The following ABCB10 variants were observed in gnomAD, a reference collection of about 807,000 sequenced individuals.
ABCB10 encodes ATP-binding cassette sub-family B member 10, mitochondrial.
In ABCB10, 54 loss-of-function variants were observed where a neutral mutation model predicts 65.4. The observed-to-expected ratio is 0.83, with a 90% CI of 0.66 to 1.04. The LOEUF is 1.04. Ranked by LOEUF, ABCB10 falls within the 50% of genes least tolerant of loss-of-function variation. The pLI, the probability that ABCB10 is intolerant of heterozygous loss-of-function variation, is 0.00. For synonymous variants in ABCB10, 418 were observed against 406.5 expected (o/e 1.03, Z -0.34); for missense variants, 846 against 976.6 (o/e 0.87, Z 1.78).
chr1:229,521,121 G>C (rs759539201), intron 11 of ABCB10, among the ~76,000 whole-genome samples: 10 of 151,920 alleles, frequency 6.6e-5, no homozygotes, highest in Admixed American at 2.6e-4. Context: ...ATAACAAAGG[G>C]AAGGCTATTG....
intron 1 of ABCB10, among the ~76,000 whole-genome samples, chr1:229,550,446 G>C (rs1271916705): frequency 6.9e-6 from 1 of 145,552 alleles, no homozygotes; most frequent in Non-Finnish European, 1.5e-5. Flanking sequence ...GATTACTTGA[G>C]CCCAGGAGGT....
Position 229,518,853 on chromosome 1 carries a change from T to A in ABCB10, c.1973A>T (p.Asp658Val). 6.3e-7 allele frequency: 1 copy of A among 1,599,020 alleles called. No individual in the cohort carries two copies. The highest frequency in any genetic ancestry group is 8.5e-7 in the Non-Finnish European group (1 of 1,174,080). Residue 658 changes from aspartate to valine, a missense_variant, in exon 12 of 13, where the codon GAT (aspartate) becomes GTT (valine). Asp to Val is a radical substitution (Grantham distance 152). This residue lies in a region of ABCB10 where 632 missense variants were observed against 803.2 expected (regional missense o/e 0.79). Coordinates refer to ENST00000344517, the MANE Select transcript of ABCB10 (RefSeq NM_012089.3). ...AAGATATCCTCACCTGGTTGCTTCATCTAGGAGAAGAATTTTGGGATTCTG... is the reference window on the plus strand; with the variant it reads ...AAGATATCCTCACCTGGTTGCTTCAACTAGGAGAAGAATTTTGGGATTCTG... ...LLKNPKILLL[D>V]EATSALDAEN...
rs370441280 is a variant in ABCB10, at chr1:229,525,344, TTTGTTGTTG to T, written c.1906+583_1906+591del. Among the ~76,000 whole-genome samples, 14 of 151,872 alleles carry T rather than the reference TTTGTTGTTG, an allele frequency of 9.2e-5. 1 individual carries two copies. The highest frequency in any genetic ancestry group is 4.2e-4 in the South Asian group (2 of 4,814). ...TGAGGGTCTCAGGTTGCAAAGCACA[TTTGTTGTTG>T]TTGTTGTTGTTGTTGTTTTTCAGAT... On this transcript the variant is annotated intron_variant, in intron 10 of 12. Coordinates refer to ENST00000344517, the MANE Select transcript of ABCB10 (RefSeq NM_012089.3).
chr1:229,517,209 T>C lies in ABCB10; in HGVS notation c.*970A>G, dbSNP rs1399352897. On this transcript the variant is annotated 3_prime_UTR_variant, in exon 13 of 13. Transcript: ENST00000344517. ...GATACATTCTGAAGTTTTCTTGTTA[T>C]TCTGTTGAATAGCAAGGACTTCCAA... 1 of 152,242 alleles carries C rather than the reference T, an allele frequency of 6.6e-6. No homozygotes were observed. The highest frequency in any genetic ancestry group is 1.5e-5 in the Non-Finnish European group (1 of 68,026). 9.4% of individuals were successfully genotyped at this position (152,242 alleles called of 1,614,324 possible).
intron 5 of ABCB10, 62 bp from the exon 6 acceptor site, chr1:229,539,653 T>C: frequency 1.3e-6 from 2 of 1,577,216 alleles, no homozygotes; most frequent in South Asian, 1.2e-5. Flanking sequence ...GTGAAAAGCA[T>C]GAACACGGCC....
At position 229,518,429 on chromosome 1, in the gene ABCB10, CA is replaced by C; in HGVS notation, c.1986-20del. 6.2e-7 allele frequency: 1 copy of C among 1,605,650 alleles called. No homozygotes were observed. The highest frequency in any genetic ancestry group is 2.2e-5 in the East Asian group (1 of 44,788). On this transcript the variant is annotated intron_variant, in intron 12 of 12. Coordinates refer to ENST00000344517, the MANE Select transcript of ABCB10 (RefSeq NM_012089.3). Reference sequence around the variant, plus strand: ...CAGCGCACTGACACAGGAGCACACACACAAGAAAGCAAAGACGTCAGTGACA... The same window carrying C: ...CAGCGCACTGACACAGGAGCACACACCAAGAAAGCAAAGACGTCAGTGACA...
intron 6 of ABCB10, among the ~76,000 whole-genome samples, chr1:229,536,498 C>A (rs1438859661): frequency 1.3e-5 from 2 of 151,764 alleles, no homozygotes; most frequent in African/African-American, 4.8e-5. Flanking sequence ...AGAGTAAGAC[C>A]CTGTCTCTAA....
At chr1:229,528,578 T>C (rs1480339493) in intron 8 of ABCB10, among the ~76,000 whole-genome samples, 1 of 152,210 alleles carries the variant, frequency 6.6e-6, no homozygotes, top group Admixed American at 6.5e-5. Context: ...GGTGATTCCA[T>C]GGGTCAGGAT....
At chr1:229,522,155 G>A (rs12138176) in intron 10 of ABCB10, among the ~76,000 whole-genome samples, 23,975 of 152,000 alleles carry the variant, frequency 0.16, 2,408 homozygotes, top group Middle Eastern at 0.26. Context: ...CACAGTGCCC[G>A]GCCAATACCA....
At chr1:229,518,463 G>A in intron 12 of ABCB10, 53 bp from the exon 13 acceptor site, 2 of 1,448,260 alleles carry the variant, frequency 1.4e-6, no homozygotes, top group South Asian at 2.3e-5. Context: ...ACACCCATGT[G>A]CTTCCTGATA....
At chr1:229,536,818 T>G (rs1662730829) in intron 6 of ABCB10, among the ~76,000 whole-genome samples, 1 of 150,902 alleles carries the variant, frequency 6.6e-6, no homozygotes, top group Non-Finnish European at 1.5e-5. Context: ...TAGCCAGGCA[T>G]GGTGGCGCAT....
chr1:229,525,626 G>T (rs1662421895), intron 10 of ABCB10, among the ~76,000 whole-genome samples: 1 of 152,170 alleles, frequency 6.6e-6, no homozygotes, highest in Non-Finnish European at 1.5e-5. Context: ...GGATCACGAG[G>T]TCAGGAGATC....
intron 8 of ABCB10, among the ~76,000 whole-genome samples, chr1:229,527,587 G>T (rs941040870): frequency 1.3e-5 from 2 of 152,184 alleles, no homozygotes; most frequent in Admixed American, 6.5e-5. Flanking sequence ...AGGTTGTAGG[G>T]AGTTTTCCCA....
At chr1:229,547,989 TTTTTTA>T (rs1663010986) in intron 2 of ABCB10, among the ~76,000 whole-genome samples, 1 of 151,800 alleles carries the variant, frequency 6.6e-6, no homozygotes, top group African/African-American at 2.4e-5. Context: ...CTCAGAGGCC[TTTTTTA>T]TTTTTACTTT....
chr1:229,548,549 T>A (rs1267572991), intron 2 of ABCB10, among the ~76,000 whole-genome samples: 3 of 152,078 alleles, frequency 2.0e-5, no homozygotes, highest in African/African-American at 7.2e-5. Context: ...AAAGTTATCA[T>A]CCCAGCTGCT....
At position 229,530,355 on chromosome 1, in the gene ABCB10, C is replaced by A. The variant is rs773222168; in HGVS notation, c.1489G>T (p.Val497Leu). The change falls in exon 8 of 13, where the codon GTG becomes TTG. Residue 497 changes from valine (V) to leucine (L), a missense_variant. Val to Leu is a conservative substitution (Grantham distance 32). This residue lies in a region of ABCB10 where 632 missense variants were observed against 803.2 expected (regional missense o/e 0.79). Transcript: ENST00000344517. ...GGGCGAGCTGGATAGGCAAAATGCA[C>A]GTTCTTAAACTCCAAAGCACCCTGG... ...SFQGALEFKN[V>L]HFAYPARPEV... is the part of the protein sequence containing the mutation. 12 of 1,614,176 alleles carry A rather than the reference C, an allele frequency of 7.4e-6. No individual in the cohort carries two copies. Among genetic ancestry groups the A allele is most frequent in the Non-Finnish European group, 9.3e-6 (11 of 1,180,050 alleles).
intron 3 of ABCB10, among the ~76,000 whole-genome samples, chr1:229,543,102 C>T (rs1213547052): frequency 4.0e-5 from 6 of 148,912 alleles, no homozygotes; most frequent in Non-Finnish European, 8.9e-5. Context: ...CTGCACTCCG[C>T]CTGGGCAACA....
At chr1:229,527,406 T>TA in intron 8 of ABCB10, 98 bp from the exon 9 acceptor site, 1 of 1,075,096 alleles carries the variant, frequency 9.3e-7, no homozygotes, top group East Asian at 2.4e-5. Context: ...ACTCATTTTT[T>TA]AAAGATCAAA....
rs778119051 is a variant in ABCB10 at position 229,525,963 on chromosome 1, CCA to C, written c.1877_1878del (p.Val626GlyfsTer33). On this transcript the variant is annotated frameshift_variant, in exon 10 of 13. Coordinates refer to ENST00000344517, the MANE Select transcript of ABCB10 (RefSeq NM_012089.3). LOFTEE classifies it high-confidence loss of function. ...GAGAGGAGAACACCCTTTTCTCCAA[CCA>C]CAGTGTTGAACCCTTGGGGGAAATT... is the stretch of plus-strand genomic sequence containing the variant. ...IRNFPQGFNT[V>X]VGEKGVLLSG... The C allele has an allele frequency of 1.2e-6, 2 of 1,614,028 alleles. No individual in the cohort carries two copies. The highest frequency in any genetic ancestry group is 1.7e-6 in the Non-Finnish European group (2 of 1,179,964).
Sources: gnomAD v4.1 joint callset for allele counts (sites outside exome capture counted in the v4.1 genomes callset) on GRCh38, gnomAD v4.1.1 for gene constraint, gnomAD v4.1.1 regional missense constraint, MANE v1.5 for transcripts, NCBI Gene and HGNC (gene_info 2026-07-23, HGNC 2026-07-21) for gene names.